The following EPB41L5 variants were observed in gnomAD, a reference collection of about 807,000 sequenced individuals.
EPB41L5 encodes erythrocyte membrane protein band 4.1 like 5, also known as band 4.1-like protein 5.
A neutral mutation model predicts 106.6 loss-of-function variants in EPB41L5; 55 were observed. The observed-to-expected ratio is 0.52, with a 90% CI of 0.42 to 0.65. The LOEUF (loss-of-function observed/expected upper bound fraction) is 0.65, where lower values mean the gene tolerates loss of function less well. EPB41L5 is among the 30% of genes least tolerant of loss of function. The pLI, the probability that EPB41L5 is intolerant of heterozygous loss-of-function variation, is 0.00. For synonymous variants in EPB41L5, 297 were observed against 306.7 expected (o/e 0.97, Z 0.33); for missense variants, 871 against 882.1 (o/e 0.99, Z 0.16).
intron 3 of EPB41L5, among the ~76,000 whole-genome samples, chr2:120,057,252 T>G (rs1431726520): frequency 2.0e-5 from 3 of 152,160 alleles, no homozygotes; most frequent in African/African-American, 7.2e-5. Context: ...GGGATTGGGA[T>G]AGTAGGCATA....
intron 4 of EPB41L5, 149 bp from the exon 5 acceptor site, chr2:120,073,951 C>G: frequency 3.4e-6 from 2 of 591,192 alleles, no homozygotes; most frequent in Non-Finnish European, 3.0e-6. Flanking sequence ...AAAAAACAAT[C>G]TAATTGAAGC....
At chr2:120,072,638 G>A (rs1328435397) in intron 3 of EPB41L5, among the ~76,000 whole-genome samples, 2 of 152,190 alleles carry the variant, frequency 1.3e-5, no homozygotes, top group Non-Finnish European at 2.9e-5. Flanking sequence ...CAGGGACATA[G>A]ATGAAGCTGG....
At chr2:120,060,445 A>G (rs1369243781) in intron 3 of EPB41L5, among the ~76,000 whole-genome samples, 3 of 152,326 alleles carry the variant, frequency 2.0e-5, no homozygotes, top group East Asian at 1.9e-4. Context: ...AGAAAAAACT[A>G]TTGATACACA....
intron 11 of EPB41L5, among the ~76,000 whole-genome samples, chr2:120,087,666 A>G (rs887014295): frequency 2.6e-5 from 4 of 151,964 alleles, no homozygotes; most frequent in African/African-American, 7.3e-5. Flanking sequence ...TTTTTCATTT[A>G]TTTGTAGAGA....
intron 16 of EPB41L5, among the ~76,000 whole-genome samples, chr2:120,113,192 C>G (rs925086823): frequency 6.6e-6 from 1 of 152,134 alleles, no homozygotes; most frequent in Admixed American, 6.5e-5. Context: ...ACTTAAGTGT[C>G]TGAGGTTTGT....
intron 2 of EPB41L5, among the ~76,000 whole-genome samples, chr2:120,039,186 C>T (rs1340243062): frequency 6.6e-6 from 1 of 151,786 alleles, no homozygotes; most frequent in Non-Finnish European, 1.5e-5. Flanking sequence ...AGGACAAATA[C>T]TGTTATGATT....
intron 20 of EPB41L5, among the ~76,000 whole-genome samples, chr2:120,158,974 G>T (rs148699972): frequency 6.6e-6 from 1 of 152,046 alleles, no homozygotes; most frequent in Non-Finnish European, 1.5e-5. Context: ...AATCAGGAAC[G>T]CAGTCCTATT....
intron 3 of EPB41L5, among the ~76,000 whole-genome samples, chr2:120,058,491 A>G (rs1680808738): frequency 6.6e-6 from 1 of 152,124 alleles, no homozygotes; most frequent in South Asian, 2.1e-4. Context: ...CTCATTTTTG[A>G]TAGGGATAGA....
chr2:120,167,570 T>A (rs1687471172), intron 23 of EPB41L5, 63 bp downstream of exon 23: 10 of 1,503,854 alleles, frequency 6.6e-6, no homozygotes, highest in Non-Finnish European at 9.2e-6. Flanking sequence ...CCTAAAGGAT[T>A]ACTAGGTTCT....
chr2:120,081,326 C>T (rs28821791), intron 10 of EPB41L5, among the ~76,000 whole-genome samples: 1,529 of 152,198 alleles, frequency 0.01, 25 homozygotes, highest in African/African-American at 0.031. Flanking sequence ...TTTCTACATA[C>T]GGCTAGCCAG....
chr2:120,132,064 G>T (rs11886211), intron 18 of EPB41L5, among the ~76,000 whole-genome samples: 1 of 152,110 alleles, frequency 6.6e-6, no homozygotes, highest in Non-Finnish European at 1.5e-5. Flanking sequence ...CTGCTCTGTG[G>T]TATAAACAAG....
chr2:120,131,770 T>C, intron 18 of EPB41L5, 55 bp downstream of exon 18: 1 of 1,308,814 alleles, frequency 7.6e-7, no homozygotes, highest in South Asian at 1.2e-5. Context: ...CTCCCAGAAA[T>C]ATTTTCTTTC....
intron 20 of EPB41L5, among the ~76,000 whole-genome samples, chr2:120,152,959 T>C (rs543225013): frequency 6.6e-6 from 1 of 152,342 alleles, no homozygotes; most frequent in Non-Finnish European, 1.5e-5. Context: ...TAATTTCTGA[T>C]ATTAGTTGAA....
At chr2:120,036,930 TA>T (rs1679075976) in intron 2 of EPB41L5, among the ~76,000 whole-genome samples, 1 of 152,038 alleles carries the variant, frequency 6.6e-6, no homozygotes, top group Non-Finnish European at 1.5e-5. Context: ...AGGAACAAGA[TA>T]AAGGTATCTG....
intron 3 of EPB41L5, among the ~76,000 whole-genome samples, chr2:120,070,053 A>G: frequency 6.6e-6 from 1 of 152,066 alleles, no homozygotes; most frequent in Non-Finnish European, 1.5e-5. Context: ...TCCTGAAGGA[A>G]GCTCTATTTT....
intron 3 of EPB41L5, among the ~76,000 whole-genome samples, chr2:120,053,161 C>T (rs1253565393): frequency 6.6e-6 from 1 of 152,108 alleles, no homozygotes; most frequent in Non-Finnish European, 1.5e-5. Context: ...TGAAACTTGT[C>T]ACCTTACAAA....
chr2:120,133,443 A>AG (rs1483000782), intron 18 of EPB41L5, among the ~76,000 whole-genome samples: 5 of 152,054 alleles, frequency 3.3e-5, no homozygotes, highest in Admixed American at 3.3e-4. Context: ...TGCTTGGGAG[A>AG]GGGAGAGCAC....
chr2:120,093,988 G>C (rs1046915932), intron 14 of EPB41L5, among the ~76,000 whole-genome samples: 3 of 151,852 alleles, frequency 2.0e-5, no homozygotes, highest in Admixed American at 6.6e-5. Context: ...TTGTTGGGGT[G>C]GGGGTAGGGG....
intron 2 of EPB41L5, among the ~76,000 whole-genome samples, chr2:120,031,915 TGCTTGAGGCCAGGA>T (rs1193911002): frequency 6.6e-6 from 1 of 152,094 alleles, no homozygotes; most frequent in African/African-American, 2.4e-5. Context: ...GTAGGAGGAT[TGCTTGAGGCCAGGA>T]GTTTGAGACC....
Sources: allele counts gnomAD v4.1 joint callset (sites outside exome capture counted in the v4.1 genomes callset), GRCh38; gene constraint gnomAD v4.1.1; transcripts MANE v1.5; gene names NCBI Gene and HGNC (gene_info 2026-07-23, HGNC 2026-07-21).